Variants in SBF2 observed in about 807,000 individuals in gnomAD.
The protein encoded by SBF2 is SET binding factor 2, also known as myotubularin-related protein 13.
SBF2 carries 112 observed loss-of-function variants against 225.2 expected under a neutral mutation model. The ratio of observed to expected loss-of-function variants is 0.50; its 90% CI spans 0.43 to 0.58. SBF2 has a LOEUF of 0.58. Ranked by LOEUF, SBF2 falls within the 20% of genes least tolerant of loss-of-function variation. The pLI is 0.00. For synonymous variants in SBF2, 763 were observed against 773.3 expected (o/e 0.99, Z 0.22); for missense variants, 1,996 against 2,206.2 (o/e 0.90, Z 1.91).
intron 16 of SBF2, among the ~76,000 whole-genome samples, chr11:9,947,774 A>G (rs945649583): frequency 6.7e-6 from 1 of 150,070 alleles, no homozygotes; most frequent in Admixed American, 6.7e-5. Context: ...GATGGCTACT[A>G]TTAAAAAAAA....
rs555255731 is a variant in SBF2 at position 9,871,835 on chromosome 11, G to A, written c.1930-13439C>T. Among the ~76,000 whole-genome samples, 7 of 152,166 alleles carry A rather than the reference G, an allele frequency of 4.6e-5. No homozygotes were observed. In the South Asian group the frequency reaches 1.5e-3, roughly 32 times the overall value. ...TAAAAAAACAACAGATGTTGGTGAG[G>A]TTGCACAGTATAGGAACACTTTTAC... On this transcript the variant is annotated intron_variant, in intron 17 of 39. Transcript: ENST00000256190.
chr11:9,849,227 T>TA (rs1856757397), intron 22 of SBF2, among the ~76,000 whole-genome samples: 2 of 145,012 alleles, frequency 1.4e-5, no homozygotes, highest in Non-Finnish European at 3.0e-5. Context: ...CAGCCAACAT[T>TA]AAGAACCACT....
chr11:10,275,607 ATTCT>A (rs1362198086), intron 1 of SBF2, among the ~76,000 whole-genome samples: 4 of 151,604 alleles, frequency 2.6e-5, no homozygotes, highest in African/African-American at 7.3e-5. Flanking sequence ...ACGGTTTAAC[ATTCT>A]TTCATTAATT....
chr11:10,300,771 C>G (rs894637494), intron 1 of SBF2, among the ~76,000 whole-genome samples: 2 of 151,206 alleles, frequency 1.3e-5, no homozygotes, highest in African/African-American at 4.9e-5. Context: ...ATTATTGTAA[C>G]AAGCTTCTTT....
At chr11:10,216,731 G>A (rs1958146758) in intron 1 of SBF2, among the ~76,000 whole-genome samples, 1 of 152,164 alleles carries the variant, frequency 6.6e-6, no homozygotes, top group East Asian at 1.9e-4. Flanking sequence ...CTAGCCGGGT[G>A]TGGTGGCGGG....
intron 1 of SBF2, among the ~76,000 whole-genome samples, chr11:10,236,967 CA>C (rs1318326974): frequency 6.6e-6 from 1 of 151,888 alleles, no homozygotes; most frequent in Non-Finnish European, 1.5e-5. Flanking sequence ...AAAAGAAAAC[CA>C]AAAGATAAAG....
intron 2 of SBF2, among the ~76,000 whole-genome samples, chr11:10,089,759 C>G (rs1427808202): frequency 6.6e-6 from 1 of 152,048 alleles, no homozygotes; most frequent in Non-Finnish European, 1.5e-5. Context: ...CAAGCCAAAC[C>G]AACACAAAAC....
chr11:10,292,557 T>C (rs1293909057), intron 1 of SBF2, among the ~76,000 whole-genome samples: 2 of 150,742 alleles, frequency 1.3e-5, no homozygotes, highest in South Asian at 2.1e-4. Context: ...CGGGCGCCTG[T>C]AAATCCCAGC....
chr11:10,075,782 T>C (rs1012997515), intron 2 of SBF2, among the ~76,000 whole-genome samples: 37 of 152,196 alleles, frequency 2.4e-4, no homozygotes, highest in African/African-American at 8.9e-4. Context: ...CTTGGGTAGT[T>C]CTTTATAGCA....
At chr11:10,147,269 A>G (rs1164439957) in intron 2 of SBF2, among the ~76,000 whole-genome samples, 1 of 152,098 alleles carries the variant, frequency 6.6e-6, no homozygotes, top group Admixed American at 6.6e-5. Context: ...ACATGCACCC[A>G]TATGTTTACT....
At chr11:10,143,851 G>A (rs973080625) in intron 2 of SBF2, among the ~76,000 whole-genome samples, 15 of 152,086 alleles carry the variant, frequency 9.9e-5, no homozygotes, top group African/African-American at 3.4e-4. Context: ...CCGAGTAGCT[G>A]GGACTACAGG....
At chr11:9,939,879 A>G (rs1453824350) in intron 16 of SBF2, among the ~76,000 whole-genome samples, 5 of 152,180 alleles carry the variant, frequency 3.3e-5, no homozygotes, top group Admixed American at 1.3e-4. Context: ...CTCGCTCCTA[A>G]ACTGTGGAGT....
At chr11:9,921,096 G>A (rs1183780313) in intron 16 of SBF2, among the ~76,000 whole-genome samples, 9 of 120,376 alleles carry the variant, frequency 7.5e-5, no homozygotes, top group African/African-American at 2.2e-4. Context: ...TGGAGCTGGA[G>A]TTTTGCTCTT....
intron 3 of SBF2, among the ~76,000 whole-genome samples, chr11:10,035,147 T>G (rs1253385185): frequency 6.6e-6 from 1 of 152,020 alleles, no homozygotes; most frequent in Non-Finnish European, 1.5e-5. Flanking sequence ...TCTTTTTTTT[T>G]GTATTTTTAG....
At chr11:10,049,292 G>A (rs1346244265) in intron 2 of SBF2, among the ~76,000 whole-genome samples, 1 of 151,940 alleles carries the variant, frequency 6.6e-6, no homozygotes, top group Non-Finnish European at 1.5e-5. Context: ...TTTAAAAGTG[G>A]GTAAATTTAA....
chr11:9,998,983 A>G (rs1419863349), intron 8 of SBF2, among the ~76,000 whole-genome samples: 1 of 152,234 alleles, frequency 6.6e-6, no homozygotes, highest in African/African-American at 2.4e-5. Context: ...ATTCTAAAAA[A>G]ATTAGTATTT....
intron 28 of SBF2, among the ~76,000 whole-genome samples, chr11:9,825,852 G>T (rs1424246974): frequency 6.6e-6 from 1 of 152,202 alleles, no homozygotes; most frequent in Non-Finnish European, 1.5e-5. Flanking sequence ...CAGAGATTTA[G>T]AAATATGGGC....
chr11:10,285,681 T>A lies in SBF2; in HGVS notation c.55+8334A>T, dbSNP rs60438791. On this transcript the variant is annotated intron_variant, in intron 1 of 39. Transcript: ENST00000256190. ...AGAGGGTATTTAAACCCCAGAAAAT[T>A]CTGTAACCAGCACTCTCAAGCTGCT... is the stretch of plus-strand genomic sequence containing the variant. 6.7e-4 allele frequency among the ~76,000 whole-genome samples: 102 copies of A among 152,274 alleles called. 1 individual carries two copies. In the East Asian group the frequency reaches 0.016, roughly 24 times the overall value.
chr11:9,934,307 CAAT>C, intron 16 of SBF2, among the ~76,000 whole-genome samples: 1 of 152,034 alleles, frequency 6.6e-6, no homozygotes, highest in Admixed American at 6.5e-5. Context: ...GAAATTGAGG[CAAT>C]AATAGCCTAC....
Sources: gnomAD v4.1 joint callset for allele counts (sites outside exome capture counted in the v4.1 genomes callset) on GRCh38, gnomAD v4.1.1 for gene constraint, MANE v1.5 for transcripts, NCBI Gene and HGNC (gene_info 2026-07-23, HGNC 2026-07-21) for gene names.